The following LRRTM4 variants were observed in gnomAD, a reference collection of about 807,000 sequenced individuals.
LRRTM4 encodes the protein leucine-rich repeat transmembrane neuronal protein 4.
LRRTM4 carries 25 observed loss-of-function variants against 47.6 expected under a neutral mutation model. That is an observed-to-expected ratio of 0.53 (90% CI 0.38 to 0.73). LRRTM4 has a LOEUF of 0.73. LRRTM4 is among the 30% of genes least tolerant of loss of function. The pLI is 0.00. For synonymous variants in LRRTM4, 311 were observed against 269.5 expected, an observed-to-expected ratio of 1.15 and a Z score of -1.51; for missense variants, 638 against 713.4, an observed-to-expected ratio of 0.89 and a Z score of 1.20.
chr2:77,133,796 T>C (rs1289814050), intron 3 of LRRTM4, among the ~76,000 whole-genome samples: 1 of 152,198 alleles, frequency 6.6e-6, no homozygotes, highest in Non-Finnish European at 1.5e-5. Flanking sequence ...TCACCTTGAC[T>C]CTTCAGGCAT....
chr2:77,104,675 A>C (rs1671049193), intron 3 of LRRTM4, among the ~76,000 whole-genome samples: 1 of 152,152 alleles, frequency 6.6e-6, no homozygotes, highest in Non-Finnish European at 1.5e-5. Context: ...AACCTCCTCA[A>C]ACAGTTAAGA....
intron 3 of LRRTM4, among the ~76,000 whole-genome samples, chr2:76,779,416 C>A (rs1191099326): frequency 2.7e-5 from 4 of 149,412 alleles, no homozygotes; most frequent in Non-Finnish European, 5.9e-5. Flanking sequence ...GTAGGTCGCT[C>A]AGGACTTGCT....
intron 3 of LRRTM4, among the ~76,000 whole-genome samples, chr2:77,179,350 G>A (rs181927015): frequency 4.5e-4 from 68 of 152,288 alleles, no homozygotes; most frequent in African/African-American, 1.6e-3. Context: ...AGTAAAAAAA[G>A]TCAATGAACA....
chr2:77,323,172 C>T (rs1399171945), intron 3 of LRRTM4, among the ~76,000 whole-genome samples: 1 of 152,046 alleles, frequency 6.6e-6, no homozygotes, highest in Non-Finnish European at 1.5e-5. Flanking sequence ...TGTCATATGA[C>T]AATCTCCTGT....
chr2:76,806,631 G>A (rs568454637), intron 3 of LRRTM4, among the ~76,000 whole-genome samples: 2 of 151,800 alleles, frequency 1.3e-5, no homozygotes, highest in Admixed American at 6.6e-5. Flanking sequence ...ATGAATAACA[G>A]TTGAACATTT....
intron 3 of LRRTM4, among the ~76,000 whole-genome samples, chr2:77,225,219 G>T (rs1450664984): frequency 7.7e-6 from 1 of 129,814 alleles, no homozygotes; most frequent in South Asian, 3.0e-4. Flanking sequence ...GTTGTGGGGT[G>T]GGGGGAGGGG....
chr2:77,414,962 G>A (rs1674581939), intron 3 of LRRTM4, among the ~76,000 whole-genome samples: 2 of 152,098 alleles, frequency 1.3e-5, no homozygotes, highest in Admixed American at 1.3e-4. Flanking sequence ...ACAAAGAAGG[G>A]AGAGAAGATA....
At chr2:77,037,774 C>T (rs946755598) in intron 3 of LRRTM4, among the ~76,000 whole-genome samples, 1 of 151,718 alleles carries the variant, frequency 6.6e-6, no homozygotes, top group Non-Finnish European at 1.5e-5. Flanking sequence ...ACATCAACCA[C>T]CAGAGTTTAT....
At chr2:76,955,971 G>A (rs1399038381) in intron 3 of LRRTM4, among the ~76,000 whole-genome samples, 1 of 149,886 alleles carries the variant, frequency 6.7e-6, no homozygotes, top group Admixed American at 6.7e-5. Context: ...ATTACTATCA[G>A]TAATTACTTT....
intron 3 of LRRTM4, among the ~76,000 whole-genome samples, chr2:77,107,374 A>G (rs1671118871): frequency 6.6e-6 from 1 of 152,230 alleles, no homozygotes; most frequent in Non-Finnish European, 1.5e-5. Flanking sequence ...ACGTCAGAGA[A>G]TCTTTTATAT....
intron 3 of LRRTM4, among the ~76,000 whole-genome samples, chr2:76,837,417 G>A (rs1308822842): frequency 6.6e-6 from 1 of 151,774 alleles, no homozygotes; most frequent in African/African-American, 2.4e-5. Context: ...CTTGCCTTCT[G>A]CTAGCTTTTG....
intron 3 of LRRTM4, among the ~76,000 whole-genome samples, chr2:77,411,501 G>A (rs1286514508): frequency 3.7e-5 from 5 of 134,752 alleles, no homozygotes; most frequent in Non-Finnish European, 6.2e-5. Flanking sequence ...CGCCCAGGCT[G>A]GGGTGCAGTG....
chr2:77,302,809 G>A (rs904265619), intron 3 of LRRTM4, among the ~76,000 whole-genome samples: 10 of 152,136 alleles, frequency 6.6e-5, no homozygotes, highest in African/African-American at 2.4e-4. Context: ...CTATCAGTGA[G>A]ATATTAGGGA....
chr2:77,515,964 C>T (rs116601291), intron 3 of LRRTM4, among the ~76,000 whole-genome samples: 1 of 151,782 alleles, frequency 6.6e-6, no homozygotes, highest in Non-Finnish European at 1.5e-5. Context: ...GTGACCCCTG[C>T]AATGTTTGTT....
chr2:77,058,462 C>T (rs201435934), intron 3 of LRRTM4, among the ~76,000 whole-genome samples: 3 of 152,096 alleles, frequency 2.0e-5, no homozygotes, highest in South Asian at 2.1e-4. Context: ...TGTAGCCTAA[C>T]GTCCTTCTAG....
chr2:77,052,845 T>C (rs578111622), intron 3 of LRRTM4, among the ~76,000 whole-genome samples: 1 of 152,260 alleles, frequency 6.6e-6, no homozygotes, highest in Admixed American at 6.5e-5. Flanking sequence ...ATGTGTTTGA[T>C]GTAAGACTCA....
intron 3 of LRRTM4, among the ~76,000 whole-genome samples, chr2:77,366,745 A>G (rs756557650): frequency 6.6e-6 from 1 of 151,852 alleles, no homozygotes; most frequent in South Asian, 2.1e-4. Flanking sequence ...CATTTACAAT[A>G]TTCAATAGAC....
intron 3 of LRRTM4, among the ~76,000 whole-genome samples, chr2:77,071,439 G>C (rs1680152712): frequency 6.6e-6 from 1 of 151,838 alleles, no homozygotes; most frequent in Non-Finnish European, 1.5e-5. Context: ...ATACATCTCT[G>C]GTATTTCATA....
At chr2:77,130,983 C>T (rs1465000598) in intron 3 of LRRTM4, among the ~76,000 whole-genome samples, 4 of 144,800 alleles carry the variant, frequency 2.8e-5, no homozygotes, top group African/African-American at 5.1e-5. Flanking sequence ...TACAGGCGCC[C>T]GCCACTACGC....
Sources: gnomAD v4.1 joint callset for allele counts (sites outside exome capture counted in the v4.1 genomes callset) on GRCh38, gnomAD v4.1.1 for gene constraint, MANE v1.5 for transcripts, NCBI Gene and HGNC (gene_info 2026-07-23, HGNC 2026-07-21) for gene names.